Variants in PPIL6 observed in about 807,000 individuals in gnomAD.
PPIL6 encodes probable inactive peptidyl-prolyl cis-trans isomerase-like 6.
PPIL6 carries 39 observed loss-of-function variants against 36.8 expected under a neutral mutation model. That is an observed-to-expected ratio of 1.06 (90% CI 0.82 to 1.38). The LOEUF (loss-of-function observed/expected upper bound fraction) is 1.38. Ranked by LOEUF, PPIL6 falls within the 40% of genes most tolerant of loss-of-function variation. PPIL6 has a pLI of 0.00. For missense variants in PPIL6, 368 were observed against 379.1 expected, an observed-to-expected ratio of 0.97 and a Z score of 0.24; for synonymous variants, 123 against 134.1, an observed-to-expected ratio of 0.92 and a Z score of 0.57.
At chr6:109,432,791 G>A (rs1443246963) in intron 2 of PPIL6, among the ~76,000 whole-genome samples, 1 of 151,994 alleles carries the variant, frequency 6.6e-6, no homozygotes, top group Admixed American at 6.6e-5. Flanking sequence ...CTCCTAGGAG[G>A]TGCTGATGTT....
intron 6 of PPIL6, among the ~76,000 whole-genome samples, chr6:109,416,122 A>T (rs771792708): frequency 1.3e-4 from 19 of 151,952 alleles, no homozygotes; most frequent in Non-Finnish European, 1.3e-4. Context: ...GCATTGGCAC[A>T]CAACAGTACA....
At chr6:109,399,967 T>C in intron 7 of PPIL6, 68 bp downstream of exon 7, 2 of 1,353,616 alleles carry the variant, frequency 1.5e-6, no homozygotes, top group East Asian at 2.3e-5. Context: ...ACAATACTTA[T>C]CCAAATATTT....
chr6:109,400,012 A>G, intron 7 of PPIL6, 23 bp downstream of exon 7: 1 of 1,562,414 alleles, frequency 6.4e-7, no homozygotes, highest in Non-Finnish European at 8.8e-7. Context: ...AATATTATAT[A>G]AATAGATCTA....
chr6:109,440,712 G>T (rs1274719901), upstream of PPIL6: 2 of 722,010 alleles, frequency 2.8e-6, no homozygotes, highest in Admixed American at 5.1e-5. Flanking sequence ...GGCCCGTGGC[G>T]GCTGGGCCTT....
intron 7 of PPIL6, among the ~76,000 whole-genome samples, chr6:109,398,555 TAAAG>T (rs771269004): frequency 3.3e-5 from 5 of 152,222 alleles, no homozygotes; most frequent in African/African-American, 4.8e-5. Context: ...ACTCAGTAAT[TAAAG>T]AGAGAGATGA....
At chr6:109,436,551 C>G (rs1774457917) in intron 1 of PPIL6, among the ~76,000 whole-genome samples, 1 of 152,094 alleles carries the variant, frequency 6.6e-6, no homozygotes, top group Admixed American at 6.6e-5. Flanking sequence ...AAACGTGTCT[C>G]TACTAAAAAT....
In PPIL6 at chr6:109,400,140, CTT is replaced by C. The variant is rs1185394808; in HGVS notation, c.717_718del (p.Gly241SerfsTer28). ...TTTGTTGGCCATTCCAAGTACTCCT[CTT>C]TTATTATGAGGAACTGAAAAGTTTT... On this transcript the variant is annotated frameshift_variant, in exon 7 of 8. Coordinates refer to ENST00000521072, the MANE Select transcript of PPIL6 (RefSeq NM_173672.5). LOFTEE classifies it high-confidence loss of function. 5.0e-6 allele frequency: 8 copies of C among 1,613,232 alleles called. No homozygotes were observed. In the East Asian group the frequency reaches 1.8e-4, roughly 36 times the overall value.
intron 6 of PPIL6, among the ~76,000 whole-genome samples, chr6:109,402,372 C>T (rs1252870430): frequency 2.0e-5 from 3 of 152,096 alleles, no homozygotes; most frequent in Non-Finnish European, 4.4e-5. Flanking sequence ...CCCGTCTCCA[C>T]TAAAAACACA....
intron 1 of PPIL6, among the ~76,000 whole-genome samples, chr6:109,439,290 GACC>G (rs1774648222): frequency 6.6e-6 from 1 of 152,184 alleles, no homozygotes; most frequent in South Asian, 2.1e-4. Flanking sequence ...AAGCAACACA[GACC>G]ACAATTTCTA....
intron 2 of PPIL6, 93 bp downstream of exon 2, chr6:109,436,011 A>G: frequency 2.6e-6 from 2 of 766,448 alleles, no homozygotes; most frequent in Admixed American, 2.1e-5. Flanking sequence ...TTACACTAAA[A>G]TTACTCTTTC....
intron 1 of PPIL6, among the ~76,000 whole-genome samples, chr6:109,438,662 C>T (rs1774592970): frequency 6.6e-6 from 1 of 151,966 alleles, no homozygotes; most frequent in South Asian, 2.1e-4. Flanking sequence ...GATCTCAGCT[C>T]ACCGAAACCT....
chr6:109,403,219 C>T (rs1772638478), intron 6 of PPIL6: 9 of 610,104 alleles, frequency 1.5e-5, no homozygotes, highest in Non-Finnish European at 1.9e-5. Context: ...AGGCCTCCTG[C>T]CTCAACCTCC....
chr6:109,430,160 A>G (rs184621778), intron 3 of PPIL6, among the ~76,000 whole-genome samples: 1 of 152,240 alleles, frequency 6.6e-6, no homozygotes, highest in Admixed American at 6.5e-5. Context: ...TGAATGAGAC[A>G]AGGCCTTTAC....
chr6:109,431,206 T>C lies in PPIL6; in HGVS notation c.371A>G (p.Tyr124Cys). The change falls in exon 3 of 8, where the codon TAT becomes TGT. Residue 124 changes from tyrosine (Y) to cysteine (C), a missense_variant. Coordinates refer to ENST00000521072, the MANE Select transcript of PPIL6 (RefSeq NM_173672.5). ...GGAAAAATCCTCAGTGAGTGCGTCATAAAGTGCAGAGGGTTTAATGTCAAC... is the reference window on the plus strand; with the variant it reads ...GGAAAAATCCTCAGTGAGTGCGTCACAAAGTGCAGAGGGTTTAATGTCAAC... ...DIVDIKPSAL[Y>C]DALTEDFSAK... The C allele has an allele frequency of 2.5e-6, 4 of 1,613,584 alleles. No homozygotes were observed. The highest frequency in any genetic ancestry group is 3.4e-6 in the Non-Finnish European group (4 of 1,179,792).
In PPIL6 at chr6:109,400,074, T is replaced by C. The variant is rs1374569451; in HGVS notation, c.785A>G (p.Gln262Arg). Residue 262 changes from glutamine to arginine, a missense_variant, in exon 7 of 8, where the codon CAA becomes CGA. Physicochemically the swap from Gln to Arg is conservative, Grantham distance 43 (BLOSUM62 1). Transcript: ENST00000521072. ...SNGSQFYITL[Q>R]ATPYLDRKFV... ...TTTTCTATCTAGATAAGGAGTTGCT[T>C]GCAGTGTGATATAGAATTGTGACCC... The C allele has an allele frequency of 1.2e-6, 2 of 1,613,656 alleles. No homozygotes were observed. The highest frequency in any genetic ancestry group is 8.5e-7 in the Non-Finnish European group (1 of 1,179,628).
chr6:109,409,807 A>G (rs1363469757), intron 6 of PPIL6, among the ~76,000 whole-genome samples: 1 of 152,262 alleles, frequency 6.6e-6, no homozygotes, highest in East Asian at 1.9e-4. Flanking sequence ...ATAGGAATTA[A>G]CCAAAGTGAA....
chr6:109,403,249 G>A (rs796156334), intron 6 of PPIL6: 11 of 482,484 alleles, frequency 2.3e-5, no homozygotes, highest in Non-Finnish European at 3.6e-5. Flanking sequence ...GGGACTACAG[G>A]TGTGTGCTAC....
intron 2 of PPIL6, among the ~76,000 whole-genome samples, chr6:109,433,059 CTTT>C (rs1216661459): frequency 1.0e-3 from 146 of 140,940 alleles, no homozygotes; most frequent in Non-Finnish European, 1.2e-3. Flanking sequence ...CCAAAACTTT[CTTT>C]TTTTTTTTTT....
At chr6:109,400,955 G>A (rs1772505452) in intron 6 of PPIL6, among the ~76,000 whole-genome samples, 2 of 151,620 alleles carry the variant, frequency 1.3e-5, no homozygotes, top group South Asian at 4.2e-4. Flanking sequence ...CGCCTCCCGG[G>A]TTCACGCCAT....
Sources: gnomAD v4.1 joint callset for allele counts (sites outside exome capture counted in the v4.1 genomes callset) on GRCh38, gnomAD v4.1.1 for gene constraint, MANE v1.5 for transcripts, NCBI Gene and HGNC (gene_info 2026-07-23, HGNC 2026-07-21) for gene names.